Variants in MEIS1 observed in about 807,000 individuals in gnomAD.
MEIS1 encodes the protein Meis homeobox 1.
In MEIS1, 5 loss-of-function variants were observed where a neutral mutation model predicts 50.8. That is an observed-to-expected ratio of 0.10 (90% CI 0.05 to 0.21). The LOEUF (loss-of-function observed/expected upper bound fraction) is 0.21, where lower values mean the gene tolerates loss of function less well. Among genes scored for constraint, MEIS1 ranks in the 10% least tolerant of loss-of-function variants. The probability of loss-of-function intolerance (pLI) is 1.00; values close to 1 mark genes in which losing one functional copy is unlikely to be tolerated. For missense variants in MEIS1, 318 were observed against 517.3 expected, an observed-to-expected ratio of 0.61 and a Z score of 3.74; for synonymous variants, 176 against 179.3, an observed-to-expected ratio of 0.98 and a Z score of 0.15.
chr2:66,447,985 G>A (rs560660485), intron 6 of MEIS1, among the ~76,000 whole-genome samples: 19 of 152,206 alleles, frequency 1.2e-4, no homozygotes, highest in Non-Finnish European at 2.2e-4. Context: ...ATGGCAGTAG[G>A]TCATTCAAAT....
At chr2:66,445,506 G>T (rs1296487977) in intron 6 of MEIS1, among the ~76,000 whole-genome samples, 1 of 152,232 alleles carries the variant, frequency 6.6e-6, no homozygotes, top group East Asian at 1.9e-4. Flanking sequence ...CGGGCAGGAA[G>T]GATGGCCTCT....
Position 66,571,432 on chromosome 2 carries a change from C to T in MEIS1, c.*224C>T, listed in dbSNP as rs1282472417. 1 of 1,605,634 alleles carries T rather than the reference C, an allele frequency of 6.2e-7. No individual in the cohort carries two copies. Among genetic ancestry groups the T allele is most frequent in the Non-Finnish European group, 8.5e-7 (1 of 1,176,282 alleles). On this transcript the variant is annotated 3_prime_UTR_variant, in exon 13 of 13. Coordinates refer to ENST00000272369, the MANE Select transcript of MEIS1 (RefSeq NM_002398.3). ...ACAGTGATGATGCATGGAGGACCGC[C>T]CCACCCTGGAATGCCAATGTCAGCA...
chr2:66,458,166 T>C (rs1672438221), intron 6 of MEIS1, among the ~76,000 whole-genome samples: 1 of 152,156 alleles, frequency 6.6e-6, no homozygotes, highest in Admixed American at 6.5e-5. Flanking sequence ...AAAAACTCTA[T>C]TTTTGGTTCG....
intron 12 of MEIS1, chr2:66,570,759 C>A (rs1379467562): frequency 1.3e-5 from 2 of 153,346 alleles, no homozygotes; most frequent in African/African-American, 4.8e-5. Flanking sequence ...TGAAGATTTT[C>A]TTTTCCCCAG....
chr2:66,479,274 A>G (rs907761400), intron 7 of MEIS1, among the ~76,000 whole-genome samples: 1 of 152,252 alleles, frequency 6.6e-6, no homozygotes, highest in African/African-American at 2.4e-5. Context: ...GGCTATAAAC[A>G]GTAGTTTAAA....
chr2:66,491,775 G>T (rs970197258), intron 7 of MEIS1, among the ~76,000 whole-genome samples: 4 of 152,122 alleles, frequency 2.6e-5, no homozygotes, highest in African/African-American at 9.7e-5. Flanking sequence ...TACATTCACA[G>T]AGTGTGTGGG....
chr2:66,487,785 C>G (rs1673177588), intron 7 of MEIS1, among the ~76,000 whole-genome samples: 1 of 152,216 alleles, frequency 6.6e-6, no homozygotes, highest in Non-Finnish European at 1.5e-5. Flanking sequence ...TTTCCCGTCA[C>G]TTCTAAACGA....
At chr2:66,474,275 A>G (rs566176651) in intron 7 of MEIS1, among the ~76,000 whole-genome samples, 8 of 152,252 alleles carry the variant, frequency 5.3e-5, no homozygotes, top group Admixed American at 5.2e-4. Flanking sequence ...GGATGCCAGG[A>G]GCAGCATCTG....
At chr2:66,455,368 G>T (rs1045157900) in intron 6 of MEIS1, among the ~76,000 whole-genome samples, 2 of 152,170 alleles carry the variant, frequency 1.3e-5, no homozygotes, top group Non-Finnish European at 2.9e-5. Context: ...CCACAGTAGG[G>T]TCACCATGGG....
intron 9 of MEIS1, among the ~76,000 whole-genome samples, chr2:66,555,747 A>G (rs1270241611): frequency 1.3e-5 from 2 of 151,102 alleles, no homozygotes; most frequent in Non-Finnish European, 2.9e-5. Context: ...CTCTCCTCTC[A>G]CTTACATCAT....
intron 6 of MEIS1, among the ~76,000 whole-genome samples, chr2:66,462,947 C>G (rs1672553655): frequency 6.6e-6 from 1 of 152,036 alleles, no homozygotes; most frequent in African/African-American, 2.4e-5. Context: ...GTGACTCTTT[C>G]CCTTTGATTC....
At chr2:66,489,971 T>C (rs1673234081) in intron 7 of MEIS1, among the ~76,000 whole-genome samples, 1 of 152,206 alleles carries the variant, frequency 6.6e-6, no homozygotes, top group Non-Finnish European at 1.5e-5. Context: ...ATTGATCTCT[T>C]TCAGAGAGGC....
intron 1 of MEIS1, chr2:66,437,504 C>T: frequency 1.8e-6 from 1 of 553,834 alleles, no homozygotes; most frequent in South Asian, 2.5e-5. Flanking sequence ...TTGATAGGGA[C>T]ACAAGTTAGG....
At chr2:66,525,134 G>A (rs959676267) in intron 8 of MEIS1, among the ~76,000 whole-genome samples, 1 of 152,094 alleles carries the variant, frequency 6.6e-6, no homozygotes, top group African/African-American at 2.4e-5. Context: ...AATCGCTTGA[G>A]CCCAGGTGGT....
chr2:66,501,414 T>C (rs1673552117), intron 7 of MEIS1, among the ~76,000 whole-genome samples: 2 of 152,104 alleles, frequency 1.3e-5, no homozygotes, highest in South Asian at 4.1e-4. Context: ...TAAAAAGTTA[T>C]GCTGTTTTTG....
intron 7 of MEIS1, among the ~76,000 whole-genome samples, chr2:66,466,187 C>T (rs372558212): frequency 6.6e-6 from 1 of 152,072 alleles, no homozygotes; most frequent in Non-Finnish European, 1.5e-5. Flanking sequence ...TGTTGAGGTC[C>T]CAGTGGAGTG....
intron 8 of MEIS1, among the ~76,000 whole-genome samples, chr2:66,527,694 T>G (rs1674290057): frequency 6.6e-6 from 1 of 151,258 alleles, no homozygotes; most frequent in Non-Finnish European, 1.5e-5. Context: ...TATGAATACC[T>G]TATGCTTTTT....
At chr2:66,476,562 G>A (rs1329145737) in intron 7 of MEIS1, among the ~76,000 whole-genome samples, 1 of 152,162 alleles carries the variant, frequency 6.6e-6, no homozygotes, top group African/African-American at 2.4e-5. Context: ...TATATCATAG[G>A]TTAAGTCTCC....
At chr2:66,460,931 CCA>C (rs1672503598) in intron 6 of MEIS1, among the ~76,000 whole-genome samples, 1 of 152,124 alleles carries the variant, frequency 6.6e-6, no homozygotes, top group Admixed American at 6.5e-5. Flanking sequence ...TCCAACAAGA[CCA>C]CCCTAAAATC....
Sources: allele counts gnomAD v4.1 joint callset (sites outside exome capture counted in the v4.1 genomes callset), GRCh38; gene constraint gnomAD v4.1.1; transcripts MANE v1.5; gene names NCBI Gene and HGNC (gene_info 2026-07-23, HGNC 2026-07-21).